SCLY: variants seen among roughly 807,000 people sequenced by gnomAD.
SCLY encodes the protein selenocysteine lyase.
A neutral mutation model predicts 50.1 loss-of-function variants in SCLY; 38 were observed. The ratio of observed to expected loss-of-function variants is 0.76; its 90% CI spans 0.59 to 0.99. The LOEUF is 0.99. Ranked by LOEUF, SCLY falls within the 50% of genes least tolerant of loss-of-function variation. SCLY has a pLI of 0.00. For synonymous variants in SCLY, 243 were observed against 249.4 expected (o/e 0.97, Z 0.24); for missense variants, 600 against 620.0 (o/e 0.97, Z 0.34).
intron 1 of SCLY, chr2:238,061,511 A>G (rs2065018258): frequency 2.9e-6 from 1 of 348,848 alleles, no homozygotes; most frequent in Non-Finnish European, 5.5e-6. Flanking sequence ...TTTGGGGTTC[A>G]TTCGGAGCCT....
In SCLY at chr2:238,071,997, C is replaced by T. The variant is rs577188469; in HGVS notation, c.484+2520C>T. Among the ~76,000 whole-genome samples, 20 of 152,178 alleles carry T rather than the reference C, an allele frequency of 1.3e-4. 1 individual carries two copies. In the South Asian group the frequency reaches 3.7e-3, roughly 28 times the overall value. On this transcript the variant is annotated intron_variant, in intron 4 of 11. Transcript: ENST00000254663. ...TTATAGAAAATTTTTCTATAATTTT[C>T]AGTTATAGAAAATTCTCGCCAGCCC...
rs72985160 is a variant in SCLY at position 238,098,651 on chromosome 2, C to T, written c.*296C>T. 1 of 318,756 alleles carries T rather than the reference C, an allele frequency of 3.1e-6. No individual in the cohort carries two copies. The highest frequency in any genetic ancestry group is 5.5e-6 in the Non-Finnish European group (1 of 183,404). The allele number at this position is 318,756 out of a possible 1,614,324, so 19.7% of individuals were successfully genotyped here. On this transcript the variant is annotated 3_prime_UTR_variant, in exon 12 of 12. Transcript: ENST00000254663. ...CCCACATGGGACCGCCCACATGGGA[C>T]CGCCCACATAGAACCGTCCTCCAGT...
chr2:238,079,068 C>CTTTTTTTTTTTTTTTTTTTTTT (rs59238768), intron 4 of SCLY: 5 of 93,186 alleles, frequency 5.4e-5, no homozygotes, highest in Non-Finnish European at 1.0e-4. Flanking sequence ...CTTTCTTTTT[C>CTTTTTTTTTTTTTTTTTTTTTT]TTTTTTTTTT....
chr2:238,082,156 C>T lies in SCLY; in HGVS notation c.724C>T (p.Arg242Cys), dbSNP rs752963333. The change falls in exon 6 of 12, where the codon CGC (arginine) becomes TGC (cysteine). Residue 242 changes from arginine (R) to cysteine (C), a missense_variant. Arg to Cys is a radical substitution (Grantham distance 180). Coordinates refer to ENST00000254663, the MANE Select transcript of SCLY (RefSeq NM_016510.7). ...TGCTGCACAGGCCTTGGGGAAGCAGCGCGTGGATGTGGAGGACCTGGGCGT... is the reference window on the plus strand; with the variant it reads ...TGCTGCACAGGCCTTGGGGAAGCAGTGCGTGGATGTGGAGGACCTGGGCGT... ...TDAAQALGKQRVDVEDLGVDF... is the reference protein window; with the variant it reads ...TDAAQALGKQCVDVEDLGVDF... 7.4e-6 allele frequency: 12 copies of T among 1,612,454 alleles called. No individual in the cohort carries two copies. The East Asian group carries it at 8.9e-5, about 12-fold the overall frequency.
chr2:238,065,276 G>T (rs1055870028), intron 2 of SCLY, among the ~76,000 whole-genome samples: 1 of 152,202 alleles, frequency 6.6e-6, no homozygotes, highest in Non-Finnish European at 1.5e-5. Flanking sequence ...TAACTTATTT[G>T]TTGGCTTATT....
chr2:238,094,053 G>A (rs367790464), intron 9 of SCLY, 109 bp downstream of exon 9: 24 of 976,374 alleles, frequency 2.5e-5, no homozygotes, highest in African/African-American at 6.5e-5. Context: ...GGATTGCAGC[G>A]TAGCCTGGAA....
At chr2:238,081,905 T>A in intron 5 of SCLY, 69 bp downstream of exon 5, 1 of 1,586,830 alleles carries the variant, frequency 6.3e-7, no homozygotes, top group Non-Finnish European at 8.6e-7. Context: ...CTCATGGCGT[T>A]TCAGGTTTCC....
chr2:238,091,542 AGGTT>A, intron 8 of SCLY: 532 of 359,498 alleles, frequency 1.5e-3, no homozygotes, highest in Admixed American at 3.5e-3. Flanking sequence ...GTCAAGCTGC[AGGTT>A]CACCATTCCC....
rs369034876 is a variant in SCLY, at chr2:238,098,257, C to G, written c.1240C>G (p.Leu414Val). 1 of 1,610,980 alleles carries G rather than the reference C, an allele frequency of 6.2e-7. No individual in the cohort carries two copies. The highest frequency in any genetic ancestry group is 8.5e-7 in the Non-Finnish European group (1 of 1,179,714). The stretch of plus-strand genomic sequence containing the variant: ...CCCCTTCGACGTGGCCAGGAACGCG[C>G]TCCGGCTCAGCGTGGGCCGCAGCAC... ...GVPFDVARNA[L>V]RLSVGRSTTR... The change falls in exon 12 of 12, where the codon CTC (leucine) becomes GTC (valine). Residue 414 changes from leucine to valine, a missense_variant. Physicochemically the swap from Leu to Val is conservative, Grantham distance 32 (BLOSUM62 1). Transcript: ENST00000254663.
At chr2:238,062,260 G>A (rs1268729144) in intron 1 of SCLY, among the ~76,000 whole-genome samples, 1 of 152,128 alleles carries the variant, frequency 6.6e-6, no homozygotes, top group Admixed American at 6.5e-5. Context: ...AGGTACTTTG[G>A]ATGCTTATTT....
intron 8 of SCLY, chr2:238,091,559 A>C (rs1039847784): frequency 3.7e-5 from 12 of 322,450 alleles, no homozygotes; most frequent in Admixed American, 1.4e-4. Flanking sequence ...CCATTCCCAA[A>C]GGCGTCGGCA....
chr2:238,098,591 A>ACCGCCCACCTG lies in SCLY; in HGVS notation c.*236_*237insCCGCCCACCTG. On this transcript the variant is annotated 3_prime_UTR_variant, in exon 12 of 12. Transcript: ENST00000254663. ...ACTGCCCACATGGGACCGCCCACAT[A>ACCGCCCACCTG]GGACCGCCCACATAGGACCGCCCAC... 1 of 308,306 alleles carries ACCGCCCACCTG rather than the reference A, an allele frequency of 3.2e-6. No homozygotes were observed. The allele number at this position is 308,306 out of a possible 1,614,324, so 19.1% of individuals were successfully genotyped here. A position where few individuals can be genotyped will look rare whatever the true frequency, so the allele number is the denominator to read the frequency against.
intron 3 of SCLY, among the ~76,000 whole-genome samples, chr2:238,068,832 T>C (rs1405199120): frequency 1.3e-5 from 2 of 152,180 alleles, no homozygotes; most frequent in African/African-American, 2.4e-5. Context: ...ACTATTTTGT[T>C]TCACTGTGAA....
chr2:238,070,862 C>T (rs1323841428), intron 4 of SCLY, among the ~76,000 whole-genome samples: 1 of 150,184 alleles, frequency 6.7e-6, no homozygotes, highest in African/African-American at 2.5e-5. Flanking sequence ...GATGGAGTCT[C>T]ACTCTGTTGC....
chr2:238,068,583 T>C (rs755045301), intron 3 of SCLY, among the ~76,000 whole-genome samples: 5 of 152,168 alleles, frequency 3.3e-5, no homozygotes, highest in Non-Finnish European at 7.3e-5. Flanking sequence ...TCTTGCTATA[T>C]TGCATACTAG....
chr2:238,064,275 G>C, intron 1 of SCLY, 82 bp from the exon 2 acceptor site: 8 of 807,352 alleles, frequency 9.9e-6, no homozygotes, highest in Non-Finnish European at 1.6e-5. Context: ...TGCTCCTGCC[G>C]ATGGGATAGA....
chr2:238,070,372 C>A (rs72983117), intron 4 of SCLY, among the ~76,000 whole-genome samples: 5 of 151,976 alleles, frequency 3.3e-5, no homozygotes, highest in Non-Finnish European at 5.9e-5. Context: ...GACTATGAAG[C>A]CTTTTTTGAA....
chr2:238,089,335 A>AT (rs770804561), intron 7 of SCLY, among the ~76,000 whole-genome samples: 4 of 152,156 alleles, frequency 2.6e-5, no homozygotes, highest in Non-Finnish European at 4.4e-5. Context: ...AAGCCTAACA[A>AT]TTTCTATCAA....
chr2:238,094,362 A>G, intron 9 of SCLY, 58 bp from the exon 10 acceptor site: 1 of 1,389,648 alleles, frequency 7.2e-7, no homozygotes, highest in Non-Finnish European at 1.0e-6. Context: ...AATTTCAAAC[A>G]GTTGCTGGTG....
Sources: allele counts gnomAD v4.1 joint callset (sites outside exome capture counted in the v4.1 genomes callset), GRCh38; gene constraint gnomAD v4.1.1; transcripts MANE v1.5; gene names NCBI Gene and HGNC (gene_info 2026-07-23, HGNC 2026-07-21).